FKBP9: variants seen among roughly 807,000 people sequenced by gnomAD.
FKBP9 encodes the protein FKBP prolyl isomerase 9.
FKBP9 carries 27 observed loss-of-function variants against 55.6 expected under a neutral mutation model. The observed-to-expected ratio is 0.49, with a 90% CI of 0.36 to 0.67. The LOEUF (loss-of-function observed/expected upper bound fraction) is 0.67. FKBP9 is among the 30% of genes least tolerant of loss of function. FKBP9 has a pLI of 0.00. For missense variants in FKBP9, 539 were observed against 742.8 expected (o/e 0.73, Z 3.19); for synonymous variants, 267 against 296.5 (o/e 0.90, Z 1.02).
At chr7:32,975,607 C>G (rs1486894495) in intron 3 of FKBP9, among the ~76,000 whole-genome samples, 1 of 151,826 alleles carries the variant, frequency 6.6e-6, no homozygotes, top group Non-Finnish European at 1.5e-5. Flanking sequence ...TCTAACTTAA[C>G]AGTATTTTGA....
Position 32,980,554 on chromosome 7 carries a change from G to A in FKBP9, c.893+1G>A, listed in dbSNP as rs1784455806. 1 of 1,612,596 alleles carries A rather than the reference G, an allele frequency of 6.2e-7. No individual in the cohort carries two copies. Among genetic ancestry groups the A allele is most frequent in the Middle Eastern group, 1.7e-4 (1 of 6,038 alleles). On this transcript the variant is annotated splice_donor_variant, in intron 5 of 9. Transcript: ENST00000242209. LOFTEE classifies it high-confidence loss of function. Reference sequence around the variant, plus strand: ...TGGATGGCACCCTCTTTGATTCCAGGTAAGGAAATGATTAAAGTCTTCAAT... The same window carrying A: ...TGGATGGCACCCTCTTTGATTCCAGATAAGGAAATGATTAAAGTCTTCAAT...
At chr7:32,994,246 T>C (rs1406698083) in intron 6 of FKBP9, among the ~76,000 whole-genome samples, 1 of 152,210 alleles carries the variant, frequency 6.6e-6, no homozygotes, top group African/African-American at 2.4e-5. Context: ...TACCCTGTCC[T>C]CATCCATCCA....
At chr7:33,002,139 CTT>C (rs544831158) in intron 8 of FKBP9, 6 of 145,382 alleles carry the variant, frequency 4.1e-5, no homozygotes, top group South Asian at 2.1e-4. Context: ...TATTCTGTTC[CTT>C]TTTTTTTTTT....
rs1270340062 is a variant in FKBP9, at chr7:33,006,543, T to G, written c.*1192T>G. On this transcript the variant is annotated 3_prime_UTR_variant, in exon 10 of 10. Coordinates refer to ENST00000242209, the MANE Select transcript of FKBP9 (RefSeq NM_007270.5). The stretch of plus-strand genomic sequence containing the variant: ...TGGTCACTCAACAGAGTATTTCCCT[T>G]GGCCGAGATGGAAGTTTTGTCCCAA... The G allele has an allele frequency of 4.9e-6, 1 of 203,014 alleles. No individual in the cohort carries two copies. Among genetic ancestry groups the G allele is most frequent in the Non-Finnish European group, 1.0e-5 (1 of 98,958 alleles). 12.6% of individuals were successfully genotyped at this position (203,014 alleles called of 1,614,324 possible).
chr7:32,981,321 G>A (rs983324895), intron 5 of FKBP9, among the ~76,000 whole-genome samples: 10 of 152,210 alleles, frequency 6.6e-5, no homozygotes, highest in African/African-American at 2.2e-4. Context: ...TCAGCTGGAC[G>A]GCACTGGTTG....
In FKBP9 at chr7:33,000,204, G is replaced by C; in HGVS notation, c.1316G>C (p.Gly439Ala). 1 of 1,613,548 alleles carries C rather than the reference G, an allele frequency of 6.2e-7. No homozygotes were observed. The highest frequency in any genetic ancestry group is 1.1e-5 in the South Asian group (1 of 91,044). Residue 439 changes from glycine to alanine, a missense_variant, in exon 8 of 10, where the codon GGC becomes GCC. By Grantham distance (60) the Gly-to-Ala change is moderately conservative. Transcript: ENST00000242209. ...ATGGGTCTCAGAGAGATGTGCGTTG[G>C]CGAGAAACGGACAGTGATCATTCCG... ...MDMGLREMCV[G>A]EKRTVIIPPH...
chr7:33,002,005 ATTC>A (rs1213772794), intron 8 of FKBP9: 9 of 152,340 alleles, frequency 5.9e-5, no homozygotes, highest in African/African-American at 1.9e-4. Context: ...AGGTCATGCT[ATTC>A]TTCTCAGTAT....
Position 32,998,930 on chromosome 7 carries a change from C to G in FKBP9, c.1227-1185C>G, listed in dbSNP as rs911930421. Among the ~76,000 whole-genome samples, 34 of 152,170 alleles carry G rather than the reference C, an allele frequency of 2.2e-4. 2 individuals are homozygous for G. Among genetic ancestry groups the G allele is most frequent in the Admixed American group, 2.0e-4 (3 of 15,280 alleles). Reference sequence around the variant, plus strand: ...ATGACACATGACAACAAATTGTTTGCTTGGAGAATTTTCTTACGCTTGCGT... The same window carrying G: ...ATGACACATGACAACAAATTGTTTGGTTGGAGAATTTTCTTACGCTTGCGT... On this transcript the variant is annotated intron_variant, in intron 7 of 9. Coordinates refer to ENST00000242209, the MANE Select transcript of FKBP9 (RefSeq NM_007270.5).
intron 1 of FKBP9, among the ~76,000 whole-genome samples, chr7:32,959,668 A>G (rs1331669871): frequency 6.6e-6 from 1 of 152,160 alleles, no homozygotes. Context: ...TTATGTCTCT[A>G]TGGATTTGCC....
chr7:32,992,610 C>T (rs1470519866), intron 6 of FKBP9: 1 of 181,832 alleles, frequency 5.5e-6, no homozygotes, highest in African/African-American at 2.4e-5. Flanking sequence ...ACTTAATCTA[C>T]AAATAGCTTT....
rs772587807 is a variant in FKBP9 at position 32,988,628 on chromosome 7, C to T, written c.1015C>T (p.Leu339=). ...EKRRIVVPPH[L]GYGEEGRGNI... is the part of the protein sequence containing the mutation. ...GCGAAGGATTGTGGTCCCGCCTCAC[C>T]TGGGGTATGGAGAGGAAGGAAGAGG... Residue 339 remains leucine (L), a synonymous_variant, in exon 6 of 10, where the codon CTG becomes TTG. Transcript: ENST00000242209. The T allele has an allele frequency of 6.2e-7, 1 of 1,613,954 alleles. No individual in the cohort carries two copies. The highest frequency in any genetic ancestry group is 8.5e-7 in the Non-Finnish European group (1 of 1,179,846).
At position 32,963,820 on chromosome 7, in the gene FKBP9, G is replaced by A. The variant is rs10264325; in HGVS notation, c.221+6026G>A. ...ACATGACCTCTGGGATCCAGCACCAGCGCCGACAAACTGGACTTTCTCACT... is the reference window on the plus strand; with the variant it reads ...ACATGACCTCTGGGATCCAGCACCAACGCCGACAAACTGGACTTTCTCACT... On this transcript the variant is annotated intron_variant, in intron 1 of 9. Coordinates refer to ENST00000242209, the MANE Select transcript of FKBP9 (RefSeq NM_007270.5). 0.011 allele frequency: 12,625 copies of A among 1,172,892 alleles called. 426 individuals carry two copies. The African/African-American group carries it at 0.12, about 11-fold the overall frequency. 72.7% of individuals were successfully genotyped at this position (1,172,892 alleles called of 1,614,324 possible).
At chr7:32,990,334 C>T (rs1784656037) in intron 6 of FKBP9, among the ~76,000 whole-genome samples, 1 of 152,102 alleles carries the variant, frequency 6.6e-6, no homozygotes, top group Admixed American at 6.6e-5. Context: ...TGAAGGTGGC[C>T]CCGAGAGGCT....
In FKBP9 at chr7:32,974,553, G is replaced by C. The variant is rs999262304; in HGVS notation, c.222-64G>C. 4.0e-6 allele frequency: 6 copies of C among 1,487,126 alleles called. No individual in the cohort carries two copies. The African/African-American group carries it at 8.3e-5, about 21-fold the overall frequency. 92.1% of individuals were successfully genotyped at this position (1,487,126 alleles called of 1,614,324 possible). On this transcript the variant is annotated intron_variant, in intron 1 of 9. Transcript: ENST00000242209. ...TCTGTGGGCACATTTTTACAGGTTG[G>C]TTTTTACTGAGGAAGGGACTATTTA...
chr7:32,986,861 A>G (rs1784589899), intron 5 of FKBP9, among the ~76,000 whole-genome samples: 1 of 152,184 alleles, frequency 6.6e-6, no homozygotes, highest in Non-Finnish European at 1.5e-5. Context: ...CCTCATCGGC[A>G]CCAGGTGGTG....
intron 8 of FKBP9, chr7:33,002,196 C>A (rs2953602): frequency 0.033 from 5,152 of 154,806 alleles, 147 homozygotes; most frequent in Middle Eastern, 0.082. Context: ...TGCAATGGCG[C>A]GATCTCGGCT....
At chr7:32,977,226 T>C (rs1211054915) in intron 4 of FKBP9, among the ~76,000 whole-genome samples, 1 of 152,228 alleles carries the variant, frequency 6.6e-6, no homozygotes, top group Non-Finnish European at 1.5e-5. Flanking sequence ...TTAGTCATAT[T>C]GACATGCTGG....
In FKBP9 at chr7:32,996,778, CTTTTTT is replaced by C. The variant is rs1170596077; in HGVS notation, c.1226+451_1226+456del. Among the ~76,000 whole-genome samples the C allele has an allele frequency of 1.8e-3, 58 of 32,332 alleles. 3 individuals are homozygous for C. The highest frequency in any genetic ancestry group is 8.6e-3 in the African/African-American group (58 of 6,720). The allele number at this position is 32,332 out of a possible 152,430, so 21.2% of individuals were successfully genotyped here. A position where few individuals can be genotyped will look rare whatever the true frequency, so the allele number is the denominator to read the frequency against. ...TTTTTTTTTTTGATAAAGTCTCACT[CTTTTTT>C]TTTTTTTTTTTTTTTTTTTTTGAGA... On this transcript the variant is annotated intron_variant, in intron 7 of 9. Coordinates refer to ENST00000242209, the MANE Select transcript of FKBP9 (RefSeq NM_007270.5).
intron 2 of FKBP9, 133 bp from the exon 3 acceptor site, chr7:32,975,049 C>G (rs1784332175): frequency 2.8e-6 from 2 of 721,412 alleles, no homozygotes; most frequent in African/African-American, 3.6e-5. Flanking sequence ...AAGAATGGGT[C>G]ATTTTGGGAT....
Sources: gnomAD v4.1 joint callset for allele counts (sites outside exome capture counted in the v4.1 genomes callset) on GRCh38, gnomAD v4.1.1 for gene constraint, MANE v1.5 for transcripts, NCBI Gene and HGNC (gene_info 2026-07-23, HGNC 2026-07-21) for gene names.